The following CCDC73 variants were observed in gnomAD, a reference collection of about 807,000 sequenced individuals.
CCDC73 encodes coiled-coil domain-containing protein 73.
Under a neutral mutation model 116.5 loss-of-function variants are expected in CCDC73, and 95 were observed. The observed-to-expected ratio is 0.82, with a 90% CI of 0.69 to 0.97. CCDC73 has a LOEUF of 0.97. Ranked by LOEUF, CCDC73 falls within the 50% of genes least tolerant of loss-of-function variation. The probability of loss-of-function intolerance (pLI) is 0.00; values close to 1 mark genes in which losing one functional copy is unlikely to be tolerated. For missense variants in CCDC73, 1,066 were observed against 1,206.8 expected (o/e 0.88, Z 1.73); for synonymous variants, 398 against 401.3 (o/e 0.99, Z 0.10).
the CCDC73 span, among the ~76,000 whole-genome samples, chr11:32,806,513 A>G: frequency 6.6e-6 from 1 of 151,432 alleles, no homozygotes; most frequent in African/African-American, 2.4e-5. Context: ...AGTCCCAGCT[A>G]CTCGGGAGGC....
chr11:32,696,409 T>A (rs551206145), intron 6 of CCDC73, among the ~76,000 whole-genome samples: 1 of 152,234 alleles, frequency 6.6e-6, no homozygotes, highest in African/African-American at 2.4e-5. Context: ...ATCTTCTTTT[T>A]TTTAATTATG....
intron 2 of CCDC73, among the ~76,000 whole-genome samples, chr11:32,720,282 C>A (rs936187582): frequency 1.3e-5 from 2 of 152,048 alleles, no homozygotes; most frequent in South Asian, 4.1e-4. Context: ...ATCATATGAT[C>A]GCATCAACCA....
At chr11:32,709,085 T>C (rs1590606644) in intron 3 of CCDC73, among the ~76,000 whole-genome samples, 1 of 152,184 alleles carries the variant, frequency 6.6e-6, no homozygotes, top group East Asian at 1.9e-4. Flanking sequence ...CCTTCTATGA[T>C]GATTTTGCTG....
At chr11:32,664,475 T>C (rs576342435) in intron 9 of CCDC73, among the ~76,000 whole-genome samples, 4 of 152,312 alleles carry the variant, frequency 2.6e-5, no homozygotes, top group Admixed American at 2.6e-4. Flanking sequence ...CGTAGAGGTG[T>C]TTATAGTATT....
intron 3 of CCDC73, among the ~76,000 whole-genome samples, chr11:32,703,197 C>T (rs1457277417): frequency 1.3e-5 from 2 of 152,140 alleles, no homozygotes; most frequent in Admixed American, 6.5e-5. Flanking sequence ...AGGTGATTCT[C>T]CTGCCTCAGC....
intron 2 of CCDC73, among the ~76,000 whole-genome samples, chr11:32,739,941 T>C (rs112219067): frequency 0.019 from 2,912 of 152,190 alleles, 96 homozygotes; most frequent in African/African-American, 0.067. Context: ...ATTGGAATAG[T>C]TATATGTTTG....
intron 3 of CCDC73, among the ~76,000 whole-genome samples, chr11:32,709,086 G>C (rs745918324): frequency 6.6e-6 from 1 of 152,100 alleles, no homozygotes; most frequent in Non-Finnish European, 1.5e-5. Flanking sequence ...CTTCTATGAT[G>C]ATTTTGCTGA....
intron 1 of CCDC73, among the ~76,000 whole-genome samples, chr11:32,763,613 T>C (rs1469890278): frequency 6.6e-6 from 1 of 152,062 alleles, no homozygotes; most frequent in African/African-American, 2.4e-5. Flanking sequence ...ACCCCATCTG[T>C]ATGTCACCAT....
chr11:32,665,526 TC>T (rs1287967045), intron 9 of CCDC73, among the ~76,000 whole-genome samples: 1 of 152,210 alleles, frequency 6.6e-6, no homozygotes, highest in East Asian at 1.9e-4. Context: ...TCTTCCTCCA[TC>T]CCTTTATCTT....
At chr11:32,698,481 G>C (rs1849778556) in intron 6 of CCDC73, among the ~76,000 whole-genome samples, 1 of 152,120 alleles carries the variant, frequency 6.6e-6, no homozygotes, top group Non-Finnish European at 1.5e-5. Context: ...TAATAACAGT[G>C]GATCCATGGA....
chr11:32,622,961 A>T (rs1413027026), intron 14 of CCDC73, among the ~76,000 whole-genome samples: 5 of 152,094 alleles, frequency 3.3e-5, no homozygotes, highest in African/African-American at 1.2e-4. Context: ...GTAATATCCA[A>T]AGGGAATGGA....
chr11:32,768,832 G>A (rs985079717), intron 1 of CCDC73, among the ~76,000 whole-genome samples: 4 of 152,134 alleles, frequency 2.6e-5, no homozygotes, highest in African/African-American at 9.7e-5. Flanking sequence ...GCGACGGAGT[G>A]AGACTCCATC....
intron 2 of CCDC73, among the ~76,000 whole-genome samples, chr11:32,734,150 G>A (rs879794326): frequency 2.0e-5 from 3 of 152,108 alleles, no homozygotes; most frequent in African/African-American, 7.2e-5. Flanking sequence ...ACACCTCTAC[G>A]CAAATAAACT....
intron 2 of CCDC73, among the ~76,000 whole-genome samples, chr11:32,735,087 G>A (rs1320057146): frequency 6.6e-6 from 1 of 152,184 alleles, no homozygotes; most frequent in Non-Finnish European, 1.5e-5. Context: ...AAAACTGAAA[G>A]CATTCCCTTT....
intron 6 of CCDC73, among the ~76,000 whole-genome samples, chr11:32,694,266 C>T (rs1001738388): frequency 2.2e-4 from 33 of 152,058 alleles, no homozygotes; most frequent in Non-Finnish European, 3.1e-4. Context: ...TCCTATACAC[C>T]AATAACAGAC....
At chr11:32,697,225 G>T (rs1303799602) in intron 6 of CCDC73, among the ~76,000 whole-genome samples, 1 of 151,844 alleles carries the variant, frequency 6.6e-6, no homozygotes, top group Non-Finnish European at 1.5e-5. Context: ...AAAGTAAGTT[G>T]CAGCTAATAG....
chr11:32,823,875 T>G, the CCDC73 span, among the ~76,000 whole-genome samples: 1,961 of 151,976 alleles, frequency 0.013, 40 homozygotes, highest in African/African-American at 0.045. Context: ...TGAAAATGTT[T>G]TTTGTTTGTT....
At chr11:32,727,055 C>T (rs953211369) in intron 2 of CCDC73, among the ~76,000 whole-genome samples, 1 of 151,878 alleles carries the variant, frequency 6.6e-6, no homozygotes, top group African/African-American at 2.4e-5. Context: ...CTTGTTTTTA[C>T]TGACCTTGAC....
Position 32,794,629 on chromosome 11 carries a change from T to C in CCDC73, c.-32A>G, listed in dbSNP as rs1471842270. 2.0e-5 allele frequency: 3 copies of C among 152,328 alleles called. No homozygotes were observed. Among genetic ancestry groups the C allele is most frequent in the African/African-American group, 4.8e-5 (2 of 41,474 alleles). 9.4% of individuals were successfully genotyped at this position (152,328 alleles called of 1,614,324 possible). On this transcript the variant is annotated 5_prime_UTR_variant, in exon 1 of 18. Coordinates refer to ENST00000335185, the MANE Select transcript of CCDC73 (RefSeq NM_001008391.4). ...CCGACTTACCTCAGCGAAGCGCGCCTCTAGCTCCTGTTGGCCCTTCCGGTT... is the reference window on the plus strand; with the variant it reads ...CCGACTTACCTCAGCGAAGCGCGCCCCTAGCTCCTGTTGGCCCTTCCGGTT...
Sources: gnomAD v4.1 joint callset for allele counts (sites outside exome capture counted in the v4.1 genomes callset) on GRCh38, gnomAD v4.1.1 for gene constraint, MANE v1.5 for transcripts, NCBI Gene and HGNC (gene_info 2026-07-23, HGNC 2026-07-21) for gene names.